Variants in MAP2 observed in about 807,000 individuals in gnomAD.
MAP2 encodes microtubule associated protein 2.
MAP2 carries 14 observed loss-of-function variants against 137.6 expected under a neutral mutation model. That is an observed-to-expected ratio of 0.10 (90% CI 0.07 to 0.16). The LOEUF (loss-of-function observed/expected upper bound fraction) is 0.16, where lower values mean the gene tolerates loss of function less well. MAP2 is among the 10% of genes least tolerant of loss of function. The pLI, the probability that MAP2 is intolerant of heterozygous loss-of-function variation, is 1.00. For missense variants in MAP2, 2,088 were observed against 2,191.5 expected (o/e 0.95, Z 0.94); for synonymous variants, 786 against 782.3 (o/e 1.00, Z -0.08).
intron 2 of MAP2, among the ~76,000 whole-genome samples, chr2:209,524,370 G>C (rs930412288): frequency 6.6e-6 from 1 of 151,508 alleles, no homozygotes; most frequent in Non-Finnish European, 1.5e-5. Flanking sequence ...GAGTCAGGGA[G>C]AGTTTTCAAC....
At chr2:209,596,413 T>C (rs2081317556) in intron 3 of MAP2, among the ~76,000 whole-genome samples, 1 of 152,264 alleles carries the variant, frequency 6.6e-6, no homozygotes. Flanking sequence ...TATTCATTCT[T>C]ATTTTCTGCA....
intron 1 of MAP2, among the ~76,000 whole-genome samples, chr2:209,487,793 A>T (rs1314976324): frequency 6.6e-6 from 1 of 152,218 alleles, no homozygotes; most frequent in Non-Finnish European, 1.5e-5. Flanking sequence ...CAAATAACTC[A>T]TACTTCTTAT....
At chr2:209,440,513 G>A (rs1697493788) in intron 1 of MAP2, among the ~76,000 whole-genome samples, 1 of 151,450 alleles carries the variant, frequency 6.6e-6, no homozygotes, top group African/African-American at 2.4e-5. Flanking sequence ...AATAAAATAA[G>A]GGGATAAATT....
At chr2:209,591,399 C>T (rs2079201619) in intron 3 of MAP2, among the ~76,000 whole-genome samples, 2 of 152,074 alleles carry the variant, frequency 1.3e-5, no homozygotes, top group African/African-American at 4.8e-5. Context: ...CAATAATGCC[C>T]AAGTTGTTCG....
At chr2:209,480,384 T>C (rs1708428944) in intron 1 of MAP2, among the ~76,000 whole-genome samples, 1 of 152,188 alleles carries the variant, frequency 6.6e-6, no homozygotes, top group African/African-American at 2.4e-5. Context: ...CACTTTTTGT[T>C]CTTACACATT....
chr2:209,522,956 C>G (rs1055847259), intron 2 of MAP2, among the ~76,000 whole-genome samples: 2 of 152,072 alleles, frequency 1.3e-5, no homozygotes, highest in Admixed American at 6.6e-5. Flanking sequence ...TTTATGGTTG[C>G]CAATATTGGT....
intron 2 of MAP2, among the ~76,000 whole-genome samples, chr2:209,538,534 CCTT>C (rs1298457113): frequency 7.0e-6 from 1 of 141,914 alleles, no homozygotes; most frequent in African/African-American, 2.7e-5. Context: ...ACAGAAGAGT[CCTT>C]TTTTTTTTTT....
chr2:209,514,649 A>C (rs288048), intron 2 of MAP2, among the ~76,000 whole-genome samples: 68,772 of 151,558 alleles, frequency 0.45, 16,759 homozygotes, highest in African/African-American at 0.64. Context: ...GGAAGATTTA[A>C]AAATAAAATT....
chr2:209,428,956 T>C (rs1693393459), intron 1 of MAP2, among the ~76,000 whole-genome samples: 1 of 82,290 alleles, frequency 1.2e-5, no homozygotes, highest in Non-Finnish European at 2.4e-5. Context: ...TATTTATTTA[T>C]TTATTTATTT....
intron 1 of MAP2, among the ~76,000 whole-genome samples, chr2:209,498,655 C>A (rs1033715682): frequency 6.6e-6 from 1 of 152,240 alleles, no homozygotes; most frequent in East Asian, 1.9e-4. Flanking sequence ...GCACTCTGTG[C>A]ACCCGCAGGC....
chr2:209,562,965 T>C (rs1257797220), intron 2 of MAP2, among the ~76,000 whole-genome samples: 1 of 152,200 alleles, frequency 6.6e-6, no homozygotes, highest in Non-Finnish European at 1.5e-5. Context: ...TTACCAGAAC[T>C]GTTTTTGGAT....
chr2:209,639,304 A>T (rs958142575), intron 4 of MAP2, among the ~76,000 whole-genome samples: 1 of 152,224 alleles, frequency 6.6e-6, no homozygotes, highest in African/African-American at 2.4e-5. Flanking sequence ...TCTTTTCAAA[A>T]CATACATGTA....
chr2:209,603,288 C>T (rs989985046), intron 3 of MAP2, among the ~76,000 whole-genome samples: 1 of 152,122 alleles, frequency 6.6e-6, no homozygotes, highest in African/African-American at 2.4e-5. Flanking sequence ...ATTTTTTCTA[C>T]CTACCATGTT....
rs1260751305 is a variant in MAP2 at position 209,730,438 on chromosome 2, G to C, written c.*41G>C. 1.3e-6 allele frequency: 2 copies of C among 1,487,894 alleles called. No individual in the cohort carries two copies. The highest frequency in any genetic ancestry group is 2.3e-5 in the South Asian group (2 of 85,762). 92.2% of individuals were successfully genotyped at this position (1,487,894 alleles called of 1,614,324 possible). A position where few individuals can be genotyped will look rare whatever the true frequency, so the allele number is the denominator to read the frequency against. On this transcript the variant is annotated 3_prime_UTR_variant, in exon 16 of 16. Coordinates refer to ENST00000682079, the MANE Select transcript of MAP2 (RefSeq NM_001375505.1). ...CATTGAAATAATAATATTTAGGCAT[G>C]AGCTCTTGGCAGGAGTGGGCTCTGA... is the stretch of plus-strand genomic sequence containing the variant.
intron 14 of MAP2, among the ~76,000 whole-genome samples, chr2:209,728,255 G>A (rs2074804307): frequency 6.6e-6 from 1 of 152,118 alleles, no homozygotes; most frequent in East Asian, 1.9e-4. Flanking sequence ...TCACAAAGAA[G>A]TTGTTCTTAT....
intron 2 of MAP2, among the ~76,000 whole-genome samples, chr2:209,513,777 G>A (rs983187696): frequency 2.0e-4 from 31 of 152,140 alleles, no homozygotes; most frequent in African/African-American, 6.5e-4. Context: ...AATTCTGGAA[G>A]CACGTATCCC....
rs1234561420 is a variant in MAP2 at position 209,696,901 on chromosome 2, G to C, written c.4388-16G>C. The C allele has an allele frequency of 6.3e-7, 1 of 1,583,258 alleles. No individual in the cohort carries two copies. The highest frequency in any genetic ancestry group is 8.5e-7 in the Non-Finnish European group (1 of 1,171,414). ...TTTTTCCTGATGGTATGCTTTTTGT[G>C]TTTTCTTATTCATAGCAGTTTATAA... On this transcript the variant is annotated splice_polypyrimidine_tract_variant and intron_variant, in intron 9 of 15. Coordinates refer to ENST00000682079, the MANE Select transcript of MAP2 (RefSeq NM_001375505.1).
intron 7 of MAP2, among the ~76,000 whole-genome samples, chr2:209,688,096 A>G (rs193239428): frequency 2.6e-5 from 4 of 152,276 alleles, no homozygotes; most frequent in South Asian, 2.1e-4. Context: ...TGAAGTTCCT[A>G]TATAAGTTGA....
At chr2:209,521,559 TAA>T (rs1052367934) in intron 2 of MAP2, among the ~76,000 whole-genome samples, 6 of 147,432 alleles carry the variant, frequency 4.1e-5, no homozygotes, top group African/African-American at 1.5e-4. Flanking sequence ...TAATCTTATT[TAA>T]AAAAAAAAAA....
Sources: gnomAD v4.1 joint callset for allele counts (sites outside exome capture counted in the v4.1 genomes callset) on GRCh38, gnomAD v4.1.1 for gene constraint, MANE v1.5 for transcripts, NCBI Gene and HGNC (gene_info 2026-07-23, HGNC 2026-07-21) for gene names.